GABBR2: variants seen among roughly 807,000 people sequenced by gnomAD.
GABBR2 encodes gamma-aminobutyric acid type B receptor subunit 2.
A neutral mutation model predicts 105.6 loss-of-function variants in GABBR2; 23 were observed. The observed-to-expected ratio is 0.22, with a 90% confidence interval of 0.16 to 0.31. GABBR2 has a LOEUF of 0.31. Among genes scored for constraint, GABBR2 ranks in the 10% least tolerant of loss-of-function variants. The pLI, the probability that GABBR2 is intolerant of heterozygous loss-of-function variation, is 1.00. For synonymous variants in GABBR2, 478 were observed against 499.7 expected (o/e 0.96, Z 0.58); for missense variants, 734 against 1,245.5 (o/e 0.59, Z 6.18).
intron 12 of GABBR2, among the ~76,000 whole-genome samples, chr9:98,367,476 G>C: frequency 6.6e-6 from 1 of 151,768 alleles, no homozygotes; most frequent in East Asian, 1.9e-4. Context: ...GGAGAGGAAG[G>C]GAGAAGAGGG....
At chr9:98,437,428 C>T (rs904537169) in intron 7 of GABBR2, among the ~76,000 whole-genome samples, 1 of 151,654 alleles carries the variant, frequency 6.6e-6, no homozygotes, top group African/African-American at 2.4e-5. Flanking sequence ...CATCCACCCA[C>T]CCACCTGTCC....
At chr9:98,492,349 TAAAAAAAA>T (rs574771107) in intron 4 of GABBR2, among the ~76,000 whole-genome samples, 496 of 29,234 alleles carry the variant, frequency 0.017, 22 homozygotes, top group Non-Finnish European at 0.031. Context: ...TGTTTCCTAG[TAAAAAAAA>T]AAAAAAAAAA....
intron 1 of GABBR2, among the ~76,000 whole-genome samples, chr9:98,697,770 C>A (rs1428555098): frequency 6.6e-6 from 1 of 152,202 alleles, no homozygotes. Context: ...GTTACTTGGG[C>A]TCCAGAGGAT....
intron 6 of GABBR2, among the ~76,000 whole-genome samples, chr9:98,472,265 C>T (rs186135272): frequency 6.6e-6 from 1 of 152,170 alleles, no homozygotes; most frequent in Non-Finnish European, 1.5e-5. Flanking sequence ...GCTATCATCA[C>T]CTGATCTTTG....
chr9:98,342,896 A>C (rs1470604127), intron 13 of GABBR2, among the ~76,000 whole-genome samples: 1 of 152,224 alleles, frequency 6.6e-6, no homozygotes, highest in Non-Finnish European at 1.5e-5. Context: ...GACAGGCTTT[A>C]TGAAGATACC....
At chr9:98,336,188 A>C (rs1831111930) in intron 13 of GABBR2, among the ~76,000 whole-genome samples, 1 of 152,118 alleles carries the variant, frequency 6.6e-6, no homozygotes, top group Non-Finnish European at 1.5e-5. Flanking sequence ...CAGAAGAATC[A>C]TGAATGCAAA....
At chr9:98,400,920 T>C (rs1461031805) in intron 8 of GABBR2, among the ~76,000 whole-genome samples, 1 of 151,858 alleles carries the variant, frequency 6.6e-6, no homozygotes, top group Non-Finnish European at 1.5e-5. Flanking sequence ...GGGGGATAAA[T>C]GGACACACAA....
rs573467605 is a variant in GABBR2 at position 98,350,616 on chromosome 9, C to T, written c.1893+12099G>A. ...ATTTGAGAGATGATTGATATGATTT[C>T]GATGTAAAAAAAATTTGTCGAGACT... is the stretch of plus-strand genomic sequence containing the variant. On this transcript the variant is annotated intron_variant, in intron 13 of 18. Coordinates refer to ENST00000259455, the MANE Select transcript of GABBR2 (RefSeq NM_005458.8). Among the ~76,000 whole-genome samples, 397 of 87,924 alleles carry T rather than the reference C, an allele frequency of 4.5e-3. 3 individuals are homozygous for T. Among genetic ancestry groups the T allele is most frequent in the Admixed American group, 0.012 (87 of 6,970 alleles). The allele number at this position is 87,924 out of a possible 152,430, so 57.7% of individuals were successfully genotyped here.
intron 13 of GABBR2, among the ~76,000 whole-genome samples, chr9:98,341,664 G>A (rs1046980808): frequency 2.0e-5 from 3 of 152,162 alleles, no homozygotes; most frequent in Non-Finnish European, 4.4e-5. Context: ...ACAAGTTCAC[G>A]GAGAGAGCAC....
chr9:98,298,404 T>A (rs948463493), intron 17 of GABBR2, among the ~76,000 whole-genome samples: 1 of 152,082 alleles, frequency 6.6e-6, no homozygotes, highest in Non-Finnish European at 1.5e-5. Flanking sequence ...GTGATGAACA[T>A]CTCTGTGTTC....
At chr9:98,424,751 A>C (rs941282401) in intron 7 of GABBR2, among the ~76,000 whole-genome samples, 2 of 152,158 alleles carry the variant, frequency 1.3e-5, no homozygotes, top group African/African-American at 4.8e-5. Flanking sequence ...AAGAGAATAA[A>C]ATACTTAGGA....
chr9:98,620,386 T>TA (rs772544964), intron 1 of GABBR2, among the ~76,000 whole-genome samples: 1 of 152,106 alleles, frequency 6.6e-6, no homozygotes, highest in South Asian at 2.1e-4. Context: ...ATTACCACTC[T>TA]ACACCTTTAA....
At chr9:98,665,038 G>A (rs1830315288) in intron 1 of GABBR2, among the ~76,000 whole-genome samples, 1 of 152,112 alleles carries the variant, frequency 6.6e-6, no homozygotes, top group Non-Finnish European at 1.5e-5. Context: ...AGGCTGAGGT[G>A]GGAGGACCAC....
intron 3 of GABBR2, among the ~76,000 whole-genome samples, chr9:98,497,894 G>A (rs550857911): frequency 6.6e-6 from 1 of 152,162 alleles, no homozygotes; most frequent in African/African-American, 2.4e-5. Flanking sequence ...GTACCCAAAA[G>A]AATTGGAAGC....
intron 1 of GABBR2, among the ~76,000 whole-genome samples, chr9:98,706,350 T>G (rs1319943815): frequency 1.3e-5 from 2 of 152,244 alleles, no homozygotes; most frequent in East Asian, 3.9e-4. Context: ...AACCAGTTTC[T>G]CACTAAAACC....
chr9:98,491,386 T>A (rs1045423818), intron 4 of GABBR2, among the ~76,000 whole-genome samples: 6 of 152,314 alleles, frequency 3.9e-5, no homozygotes, highest in South Asian at 4.1e-4. Context: ...AATCTGAAAG[T>A]CTCTTCCTTT....
intron 2 of GABBR2, among the ~76,000 whole-genome samples, chr9:98,567,195 A>G (rs1828765210): frequency 6.6e-6 from 1 of 152,250 alleles, no homozygotes; most frequent in Non-Finnish European, 1.5e-5. Flanking sequence ...CGCATAAACA[A>G]TGAGGCCACT....
chr9:98,400,015 G>GA (rs57472915), intron 8 of GABBR2, among the ~76,000 whole-genome samples: 6,016 of 102,904 alleles, frequency 0.058, 478 homozygotes, highest in African/African-American at 0.2. Context: ...CCACCTCCAT[G>GA]AAAAAAAAAA....
At chr9:98,530,003 A>C (rs1016089653) in intron 3 of GABBR2, among the ~76,000 whole-genome samples, 3 of 152,154 alleles carry the variant, frequency 2.0e-5, no homozygotes, top group African/African-American at 7.2e-5. Context: ...TCCTTTGCTC[A>C]TGCGGCTCTG....
Sources: allele counts gnomAD v4.1 joint callset (sites outside exome capture counted in the v4.1 genomes callset), GRCh38; gene constraint gnomAD v4.1.1; transcripts MANE v1.5; gene names NCBI Gene and HGNC (gene_info 2026-07-23, HGNC 2026-07-21).